Variants in ALAS1 observed in about 807,000 individuals in gnomAD.
ALAS1 encodes the protein 5-aminolevulinate synthase, non-specific, mitochondrial.
ALAS1 carries 29 observed loss-of-function variants against 59.6 expected under a neutral mutation model. The observed-to-expected ratio is 0.49, with a 90% CI of 0.36 to 0.66. The LOEUF (loss-of-function observed/expected upper bound fraction) is 0.66, where lower values mean the gene tolerates loss of function less well. Among genes scored for constraint, ALAS1 ranks in the 30% least tolerant of loss-of-function variants. The pLI is 0.00. For synonymous variants in ALAS1, 299 were observed against 296.6 expected (o/e 1.01, Z -0.08); for missense variants, 690 against 807.5 (o/e 0.85, Z 1.76).
intron 3 of ALAS1, among the ~76,000 whole-genome samples, chr3:52,199,693 A>G (rs955279869): frequency 3.3e-5 from 5 of 152,218 alleles, no homozygotes; most frequent in African/African-American, 1.2e-4. Flanking sequence ...GTTAGTGTCT[A>G]TAGGGGTTTT....
chr3:52,200,273 C>A (rs906665859), intron 3 of ALAS1, among the ~76,000 whole-genome samples: 1 of 152,106 alleles, frequency 6.6e-6, no homozygotes, highest in African/African-American at 2.4e-5. Flanking sequence ...ATCTCCAGAA[C>A]TTTTTTCATC....
intron 3 of ALAS1, among the ~76,000 whole-genome samples, chr3:52,201,510 G>T (rs945707913): frequency 2.6e-5 from 4 of 152,186 alleles, no homozygotes; most frequent in African/African-American, 9.7e-5. Flanking sequence ...CCAGCACTTT[G>T]GGAGGCTGAG....
rs778517268 is a variant in ALAS1, at chr3:52,202,628, A to G, written c.321A>G (p.Lys107=). Residue 107 remains lysine (K), a synonymous_variant, in exon 4 of 12, where the codon AAA becomes AAG. Coordinates refer to ENST00000484952, the MANE Select transcript of ALAS1 (RefSeq NM_000688.6). ...LPATSQGTAS[K]CPFLAAQMNQ... is the part of the protein sequence containing the mutation. ...CCACAAGCCAGGGCACTGCAAGCAA[A>G]TGCCCTTTCCTGGCAGCACAGATGA... The G allele has an allele frequency of 6.2e-7, 1 of 1,614,174 alleles. No homozygotes were observed. The highest frequency in any genetic ancestry group is 1.1e-5 in the South Asian group (1 of 91,084).
chr3:52,211,584 G>C (rs1699410830), intron 10 of ALAS1, 33 bp downstream of exon 10: 1 of 1,609,104 alleles, frequency 6.2e-7, no homozygotes, highest in South Asian at 1.1e-5. Context: ...ACTTGCCGTG[G>C]GGTGTGCCTC....
At chr3:52,213,951 G>A in intron 11 of ALAS1, 69 bp from the exon 12 acceptor site, 1 of 1,411,190 alleles carries the variant, frequency 7.1e-7, no homozygotes, top group South Asian at 1.3e-5. Flanking sequence ...AAGTTTTTGT[G>A]TGGACATATG....
chr3:52,212,848 A>G (rs552103144), intron 11 of ALAS1, among the ~76,000 whole-genome samples: 1 of 152,192 alleles, frequency 6.6e-6, no homozygotes, highest in Admixed American at 6.5e-5. Context: ...TCTTTTTCCA[A>G]GTAACTAAGC....
At chr3:52,208,857 A>G (rs1699347435) in intron 9 of ALAS1, among the ~76,000 whole-genome samples, 2 of 152,260 alleles carry the variant, frequency 1.3e-5, no homozygotes, top group South Asian at 4.1e-4. Context: ...TGGAGAAGGT[A>G]AATAAGTTGT....
intron 9 of ALAS1, among the ~76,000 whole-genome samples, chr3:52,210,409 G>A (rs1699381177): frequency 6.6e-6 from 1 of 152,176 alleles, no homozygotes; most frequent in Admixed American, 6.5e-5. Flanking sequence ...TTTTGATCCT[G>A]GTTAGACACC....
At position 52,211,445 on chromosome 3, in the gene ALAS1, G is replaced by A. The variant is rs1386843072; in HGVS notation, c.1493G>A (p.Arg498Gln). ...CGGATCCTGAAGAGCGCTGAGGGAC[G>A]GGTGCTTCGCCGCCAGCACCAGCGC... is the stretch of plus-strand genomic sequence containing the variant. ...SVRILKSAEGRVLRRQHQRNV... is the reference protein window; with the variant it reads ...SVRILKSAEGQVLRRQHQRNV... The change falls in exon 10 of 12, where the codon CGG becomes CAG. Residue 498 changes from arginine to glutamine, a missense_variant. Arg to Gln is a conservative substitution (Grantham distance 43). Coordinates refer to ENST00000484952, the MANE Select transcript of ALAS1 (RefSeq NM_000688.6). The A allele has an allele frequency of 1.5e-5, 25 of 1,614,106 alleles. No homozygotes were observed. Among genetic ancestry groups the A allele is most frequent in the Middle Eastern group, 1.6e-4 (1 of 6,084 alleles).
In ALAS1 at chr3:52,198,818, G is replaced by A; in HGVS notation, c.-63G>A. On this transcript the variant is annotated 5_prime_UTR_variant, in exon 2 of 12. Coordinates refer to ENST00000484952, the MANE Select transcript of ALAS1 (RefSeq NM_000688.6). Reference sequence around the variant, plus strand: ...GATCCCTAAGAGTCTTCCCTGCCTGGATGGATGAGTGGCTTCTTCTCCACC... The same window carrying A: ...GATCCCTAAGAGTCTTCCCTGCCTGAATGGATGAGTGGCTTCTTCTCCACC... The A allele has an allele frequency of 1.3e-6, 2 of 1,535,666 alleles. No homozygotes were observed. The highest frequency in any genetic ancestry group is 1.2e-5 in the South Asian group (1 of 84,062).
chr3:52,206,962 G>A lies in ALAS1; in HGVS notation c.1165+211G>A, dbSNP rs1699305644. On this transcript the variant is annotated intron_variant, in intron 8 of 11. Transcript: ENST00000484952. ...TCATTCTCCTGCCTCAGCCTCCCGA[G>A]TAGCTGGGACTACAGACACCTGCCA... 2.7e-5 allele frequency among the ~76,000 whole-genome samples: 4 copies of A among 150,730 alleles called. No individual in the cohort carries two copies. In the South Asian group the frequency reaches 8.4e-4, roughly 31 times the overall value.
At chr3:52,203,655 AG>A (rs1699235875) in intron 4 of ALAS1, among the ~76,000 whole-genome samples, 1 of 152,254 alleles carries the variant, frequency 6.6e-6, no homozygotes, top group South Asian at 2.1e-4. Flanking sequence ...AAAGCTGGCC[AG>A]TAGCTCTGAA....
intron 9 of ALAS1, among the ~76,000 whole-genome samples, 174 bp downstream of exon 9, chr3:52,208,421 T>C (rs1406863554): frequency 6.6e-6 from 1 of 152,190 alleles, no homozygotes; most frequent in Non-Finnish European, 1.5e-5. Flanking sequence ...GCATGGCTCT[T>C]AGAATCAAAG....
chr3:52,199,126 A>T, intron 2 of ALAS1, 84 bp from the exon 3 acceptor site: 1 of 1,364,682 alleles, frequency 7.3e-7, no homozygotes, highest in South Asian at 1.3e-5. Flanking sequence ...CCCTTTATAT[A>T]AACTGCGGTT....
chr3:52,198,885 C>T, intron 2 of ALAS1, 37 bp downstream of exon 2: 1 of 1,534,604 alleles, frequency 6.5e-7, no homozygotes, highest in Non-Finnish European at 8.7e-7. Flanking sequence ...GTGCATCTCC[C>T]TAAGAAACCT....
At chr3:52,198,891 A>G in intron 2 of ALAS1, 43 bp downstream of exon 2, 1 of 1,533,298 alleles carries the variant, frequency 6.5e-7, no homozygotes, top group Non-Finnish European at 8.7e-7. Context: ...CTCCCTAAGA[A>G]ACCTCTGGCC....
rs1359905977 is a variant in ALAS1 at position 52,204,812 on chromosome 3, G to C, written c.697G>C (p.Asp233His). The C allele has an allele frequency of 6.2e-7, 1 of 1,614,218 alleles. No homozygotes were observed. Among genetic ancestry groups the C allele is most frequent in the South Asian group, 1.1e-5 (1 of 91,082 alleles). The change falls in exon 6 of 12, where the codon GAT becomes CAT. Residue 233 changes from aspartate (D) to histidine (H), a missense_variant. By Grantham distance (81) the Asp-to-His change is moderately conservative. Coordinates refer to ENST00000484952, the MANE Select transcript of ALAS1 (RefSeq NM_000688.6). Reference protein sequence around the residue: ...NRRAHIFPMADDYSDSLITKK... With the variant: ...NRRAHIFPMAHDYSDSLITKK... ...GCGAGCACACATCTTCCCCATGGCA[G>C]ATGACTATTCAGACTCCCTCATCAC...
intron 7 of ALAS1, 93 bp from the exon 8 acceptor site, chr3:52,206,479 A>G: frequency 7.1e-7 from 1 of 1,404,320 alleles, no homozygotes; most frequent in Non-Finnish European, 9.8e-7. Context: ...GCATTTTCAA[A>G]GCATCATTTC....
At chr3:52,208,033 A>G (rs1210480793) in intron 8 of ALAS1, 50 bp from the exon 9 acceptor site, 1 of 1,471,804 alleles carries the variant, frequency 6.8e-7, no homozygotes, top group Non-Finnish European at 9.0e-7. Context: ...CAAAACAGAA[A>G]TTTCTGAAGC....
Sources: gnomAD v4.1 joint callset for allele counts (sites outside exome capture counted in the v4.1 genomes callset) on GRCh38, gnomAD v4.1.1 for gene constraint, MANE v1.5 for transcripts, NCBI Gene and HGNC (gene_info 2026-07-23, HGNC 2026-07-21) for gene names.